Variants in RANBP2 observed in about 807,000 individuals in gnomAD.
RANBP2 encodes E3 SUMO-protein ligase RanBP2.
RANBP2 carries 57 observed loss-of-function variants against 303.6 expected under a neutral mutation model. The observed-to-expected ratio is 0.19, with a 90% CI of 0.15 to 0.23. The LOEUF is 0.23. Among genes scored for constraint, RANBP2 ranks in the 10% least tolerant of loss-of-function variants. The probability of loss-of-function intolerance (pLI) is 1.00; values close to 1 mark genes in which losing one functional copy is unlikely to be tolerated. For missense variants in RANBP2, 3,138 were observed against 3,780.8 expected (o/e 0.83, Z 4.46); for synonymous variants, 1,167 against 1,301.5 (o/e 0.90, Z 2.23).
chr2:108,867,246 A>AT, the RANBP2 span, among the ~76,000 whole-genome samples: 3 of 152,188 alleles, frequency 2.0e-5, no homozygotes, highest in African/African-American at 7.2e-5. Context: ...GAAGAAGAAG[A>AT]GGTGGACACA....
chr2:109,570,052 T>C, the RANBP2 span, among the ~76,000 whole-genome samples: 1 of 152,186 alleles, frequency 6.6e-6, no homozygotes, highest in Non-Finnish European at 1.5e-5. Context: ...TGTATTGCTA[T>C]TTAAAATGGG....
chr2:108,788,477 G>C (rs1398741989), downstream of RANBP2, among the ~76,000 whole-genome samples: 2 of 151,832 alleles, frequency 1.3e-5, no homozygotes, highest in Non-Finnish European at 2.9e-5. Context: ...CCAGCACTTT[G>C]GGAGGCGAGG....
chr2:109,166,932 T>G, the RANBP2 span, among the ~76,000 whole-genome samples: 2 of 152,226 alleles, frequency 1.3e-5, no homozygotes, highest in South Asian at 2.1e-4. Flanking sequence ...GCATGCAACA[T>G]GATGCATCCA....
Position 108,763,743 on chromosome 2 carries a change from T to G in RANBP2, c.3204T>G (p.Gly1068=), listed in dbSNP as rs1222652633. 6.2e-7 allele frequency: 1 copy of G among 1,613,880 alleles called. No homozygotes were observed. ...ACAGTAACAGTGAAAGCCTTTTAGG[T>G]CTCCTGACTTCAGATAAACCCTTGC... ...AAYSNSESLL[G]LLTSDKPLQG... The change falls in exon 20 of 29, where the codon GGT becomes GGG. Residue 1068 remains glycine, a synonymous_variant. Transcript: ENST00000283195.
chr2:109,433,170 AGCATGTGTGTATGCAGTGTGTAT>A, the RANBP2 span, among the ~76,000 whole-genome samples: 3 of 152,226 alleles, frequency 2.0e-5, no homozygotes, highest in African/African-American at 7.2e-5. Context: ...ATGTAGGTAC[AGCATGTGTGTATGCAGTGTGTAT>A]GCATGTGTGT....
In RANBP2 at chr2:108,736,143, A is replaced by G. The variant is rs1259528385; in HGVS notation, c.676A>G (p.Ser226Gly). 1 of 1,611,820 alleles carries G rather than the reference A, an allele frequency of 6.2e-7. No individual in the cohort carries two copies. The highest frequency in any genetic ancestry group is 8.5e-7 in the Non-Finnish European group (1 of 1,179,836). The change falls in exon 6 of 29, where the codon AGT (serine) becomes GGT (glycine). Residue 226 changes from serine to glycine, a missense_variant. Coordinates refer to ENST00000283195, the MANE Select transcript of RANBP2 (RefSeq NM_006267.5). ...ESLQCLESDK[S>G]DWRATNTDLL... ...TTTACAGTGTTTGGAGTCTGATAAA[A>G]GTGACTGGCGAGCAACCAATACAGA...
At chr2:108,968,364 A>G in the RANBP2 span, among the ~76,000 whole-genome samples, 3 of 152,194 alleles carry the variant, frequency 2.0e-5, no homozygotes, top group Non-Finnish European at 2.9e-5. Flanking sequence ...ATGCATCCCT[A>G]TAGAAAAATA....
the RANBP2 span, among the ~76,000 whole-genome samples, chr2:109,165,521 C>A: frequency 6.6e-6 from 1 of 152,148 alleles, no homozygotes; most frequent in Non-Finnish European, 1.5e-5. Flanking sequence ...TAGTTGGGAC[C>A]CAGCTACACT....
chr2:109,544,930 A>C, the RANBP2 span: 548 of 982,266 alleles, frequency 5.6e-4, no homozygotes, highest in South Asian at 2.3e-3. Flanking sequence ...CTTTTCCAAA[A>C]AAACAAACAA....
the RANBP2 span, among the ~76,000 whole-genome samples, chr2:109,196,741 A>G: frequency 6.6e-6 from 1 of 152,160 alleles, no homozygotes; most frequent in Non-Finnish European, 1.5e-5. Flanking sequence ...GCTGCACCAC[A>G]TGCCCCGTGG....
the RANBP2 span, among the ~76,000 whole-genome samples, chr2:108,837,922 C>A: frequency 3.1e-4 from 47 of 149,926 alleles, 1 homozygote; most frequent in East Asian, 9.2e-3. Context: ...ATAATTTTTT[C>A]GATTTTTTTT....
chr2:109,167,696 C>T, the RANBP2 span, among the ~76,000 whole-genome samples: 2 of 152,158 alleles, frequency 1.3e-5, no homozygotes, highest in Non-Finnish European at 2.9e-5. Context: ...TTCAGCCTCC[C>T]GAGTAGCTGG....
chr2:109,391,901 G>A, the RANBP2 span, among the ~76,000 whole-genome samples: 2 of 151,896 alleles, frequency 1.3e-5, no homozygotes, highest in Non-Finnish European at 1.5e-5. Context: ...GTGCAGTGGC[G>A]TGACCTCTCA....
At chr2:108,979,750 G>A in the RANBP2 span, among the ~76,000 whole-genome samples, 2 of 152,278 alleles carry the variant, frequency 1.3e-5, no homozygotes, top group East Asian at 3.9e-4. Flanking sequence ...CAGAGGAGGA[G>A]CCACTGAGGC....
the RANBP2 span, among the ~76,000 whole-genome samples, chr2:109,127,146 TGA>T: frequency 2.6e-5 from 4 of 152,230 alleles, no homozygotes; most frequent in Non-Finnish European, 4.4e-5. Context: ...TCCACATTGC[TGA>T]GAGACATCCA....
chr2:108,837,199 G>A, the RANBP2 span, among the ~76,000 whole-genome samples: 8 of 152,136 alleles, frequency 5.3e-5, no homozygotes, highest in African/African-American at 1.9e-4. Context: ...TTATTATATC[G>A]AGGTGGTTTC....
At chr2:108,945,057 C>G in the RANBP2 span, among the ~76,000 whole-genome samples, 1 of 152,166 alleles carries the variant, frequency 6.6e-6, no homozygotes, top group African/African-American at 2.4e-5. Flanking sequence ...ATTGTACAGT[C>G]TGGTGCTTTC....
chr2:109,454,939 C>G, the RANBP2 span, among the ~76,000 whole-genome samples: 2 of 151,992 alleles, frequency 1.3e-5, no homozygotes, highest in African/African-American at 4.8e-5. Context: ...AAAAAGTTAA[C>G]TCTCTCTTTA....
At chr2:108,872,750 A>G in the RANBP2 span, among the ~76,000 whole-genome samples, 2 of 152,276 alleles carry the variant, frequency 1.3e-5, no homozygotes, top group South Asian at 2.1e-4. Context: ...TCTTAATACT[A>G]TTACAATGGC....
Sources: gnomAD v4.1 joint callset for allele counts (sites outside exome capture counted in the v4.1 genomes callset) on GRCh38, gnomAD v4.1.1 for gene constraint, MANE v1.5 for transcripts, NCBI Gene and HGNC (gene_info 2026-07-23, HGNC 2026-07-21) for gene names.